Variants in C12orf42 observed in about 807,000 individuals in gnomAD.
C12orf42 encodes the protein chromosome 12 open reading frame 42.
C12orf42 carries 25 observed loss-of-function variants against 21.6 expected under a neutral mutation model. The ratio of observed to expected loss-of-function variants is 1.16; its 90% CI spans 0.84 to 1.62. The LOEUF (loss-of-function observed/expected upper bound fraction) is 1.62. Among genes scored for constraint, C12orf42 ranks in the 40% most tolerant of loss-of-function variants. The pLI, the probability that C12orf42 is intolerant of heterozygous loss-of-function variation, is 0.00. For synonymous variants in C12orf42, 174 were observed against 175.0 expected (o/e 0.99, Z 0.05); for missense variants, 483 against 459.3 (o/e 1.05, Z -0.47).
chr12:103,294,507 A>AAG (rs2037072629), intron 4 of C12orf42, among the ~76,000 whole-genome samples: 2 of 146,406 alleles, frequency 1.4e-5, no homozygotes, highest in African/African-American at 5.2e-5. Context: ...GAAAGAAAGA[A>AAG]AAAGAAAGGA....
intron 4 of C12orf42, among the ~76,000 whole-genome samples, chr12:103,353,841 C>A (rs191952215): frequency 5.9e-4 from 90 of 152,266 alleles, no homozygotes; most frequent in Middle Eastern, 3.4e-3. Flanking sequence ...CGAGGGTGAG[C>A]AACCTGAAAG....
chr12:103,143,727 A>G, the C12orf42 span, among the ~76,000 whole-genome samples: 1 of 152,254 alleles, frequency 6.6e-6, no homozygotes, highest in Admixed American at 6.5e-5. Flanking sequence ...TGAAGAATCT[A>G]TCTAATGAAA....
At chr12:103,517,998 A>T in the C12orf42 span, among the ~76,000 whole-genome samples, 1 of 152,198 alleles carries the variant, frequency 6.6e-6, no homozygotes, top group Non-Finnish European at 1.5e-5. Flanking sequence ...AAAGTGAAAA[A>T]ATATGAGCAA....
chr12:103,524,955 G>GT, the C12orf42 span, among the ~76,000 whole-genome samples: 26,494 of 90,428 alleles, frequency 0.29, 3,106 homozygotes, highest in South Asian at 0.45. Context: ...GTTCTTTTTA[G>GT]TTTTTTTGGG....
rs200130659 is a variant in C12orf42, at chr12:103,322,104, CGCGT to C, written c.260-15763_260-15760del. ...TATTCTGTCTTCTCAGATGTGCACG[CGCGT>C]GCGTGCGCGCGCGCGCGCACACACA... On this transcript the variant is annotated intron_variant, in intron 4 of 5. Transcript: ENST00000548883. 7.0e-3 allele frequency among the ~76,000 whole-genome samples: 1,012 copies of C among 144,514 alleles called. 15 individuals carry two copies. Among genetic ancestry groups the C allele is most frequent in the African/African-American group, 0.023 (855 of 37,094 alleles). 94.8% of individuals were successfully genotyped at this position (144,514 alleles called of 152,430 possible). A position where few individuals can be genotyped will look rare whatever the true frequency, so the allele number is the denominator to read the frequency against.
chr12:103,456,065 G>A (rs1327952883), intron 2 of C12orf42: 1 of 152,128 alleles, frequency 6.6e-6, no homozygotes, highest in Non-Finnish European at 1.5e-5. Context: ...CAAGTCTCAG[G>A]AAAGTTTCTG....
intron 4 of C12orf42, among the ~76,000 whole-genome samples, chr12:103,324,098 G>A (rs1394012236): frequency 1.3e-5 from 2 of 152,146 alleles, no homozygotes; most frequent in Non-Finnish European, 2.9e-5. Context: ...GGTAGCAGTT[G>A]TTGATTAGCA....
chr12:103,187,971 T>G, the C12orf42 span, among the ~76,000 whole-genome samples: 1 of 152,210 alleles, frequency 6.6e-6, no homozygotes, highest in South Asian at 2.1e-4. Context: ...GAATAGTAAA[T>G]GTGTACTGCT....
At chr12:103,324,894 G>C (rs1187346530) in intron 4 of C12orf42, among the ~76,000 whole-genome samples, 1 of 152,322 alleles carries the variant, frequency 6.6e-6, no homozygotes, top group Non-Finnish European at 1.5e-5. Flanking sequence ...CCTGACATTG[G>C]TGTTGAACTA....
At chr12:103,364,094 C>A (rs2044368410) in intron 4 of C12orf42, among the ~76,000 whole-genome samples, 2 of 152,038 alleles carry the variant, frequency 1.3e-5, no homozygotes, top group Non-Finnish European at 2.9e-5. Context: ...ATGTGATAGG[C>A]CACAAAACAA....
At chr12:103,310,386 C>T (rs1420153449) in intron 4 of C12orf42, among the ~76,000 whole-genome samples, 1 of 152,088 alleles carries the variant, frequency 6.6e-6, no homozygotes, top group African/African-American at 2.4e-5. Context: ...TCAGGTATTT[C>T]TTTATAGCAA....
the C12orf42 span, among the ~76,000 whole-genome samples, chr12:103,192,017 G>A: frequency 6.6e-6 from 1 of 151,846 alleles, no homozygotes; most frequent in African/African-American, 2.4e-5. Flanking sequence ...ACAATATATT[G>A]CTACAAAAAA....
the C12orf42 span, among the ~76,000 whole-genome samples, chr12:103,077,233 G>T: frequency 1.3e-5 from 2 of 152,154 alleles, no homozygotes; most frequent in African/African-American, 4.8e-5. Flanking sequence ...AATTTAAATT[G>T]CTAGTTGGAT....
At chr12:103,387,394 C>A (rs2046702773) in intron 3 of C12orf42, among the ~76,000 whole-genome samples, 1 of 152,246 alleles carries the variant, frequency 6.6e-6, no homozygotes, top group African/African-American at 2.4e-5. Flanking sequence ...CCCTCGTGCA[C>A]ACATGCACAG....
the C12orf42 span, among the ~76,000 whole-genome samples, chr12:103,148,180 G>A: frequency 6.6e-6 from 1 of 152,166 alleles, no homozygotes; most frequent in Admixed American, 6.5e-5. Flanking sequence ...TGGTGTGACA[G>A]AACCATGGTC....
intron 5 of C12orf42, among the ~76,000 whole-genome samples, chr12:103,276,700 A>G (rs2035792207): frequency 6.6e-6 from 1 of 152,198 alleles, no homozygotes; most frequent in South Asian, 2.1e-4. Context: ...TAAACCTCTG[A>G]GATTTGGGAG....
the C12orf42 span, among the ~76,000 whole-genome samples, chr12:103,225,260 G>A: frequency 6.6e-6 from 1 of 152,326 alleles, no homozygotes; most frequent in Non-Finnish European, 1.5e-5. Context: ...CAATTTGGTT[G>A]ATAAGGCGAA....
intron 4 of C12orf42, among the ~76,000 whole-genome samples, chr12:103,285,721 G>A (rs746078368): frequency 2.0e-5 from 3 of 152,180 alleles, no homozygotes; most frequent in Non-Finnish European, 4.4e-5. Flanking sequence ...ACTCCAAATA[G>A]CTGAAAATCA....
intron 2 of C12orf42, among the ~76,000 whole-genome samples, chr12:103,418,704 A>T (rs1158924460): frequency 6.6e-6 from 1 of 152,176 alleles, no homozygotes; most frequent in East Asian, 1.9e-4. Context: ...ATACAGGAAG[A>T]GGGGCCAGTT....
Sources: gnomAD v4.1 joint callset for allele counts (sites outside exome capture counted in the v4.1 genomes callset) on GRCh38, gnomAD v4.1.1 for gene constraint, MANE v1.5 for transcripts, NCBI Gene and HGNC (gene_info 2026-07-23, HGNC 2026-07-21) for gene names.